GRHL2: variants seen among roughly 807,000 people sequenced by gnomAD.
GRHL2 encodes grainyhead like transcription factor 2, also known as grainyhead-like protein 2 homolog.
In GRHL2, 21 loss-of-function variants were observed where a neutral mutation model predicts 83.8. The observed-to-expected ratio is 0.25, with a 90% CI of 0.18 to 0.36. GRHL2 has a LOEUF of 0.36. GRHL2 is among the 10% of genes least tolerant of loss of function. The pLI, the probability that GRHL2 is intolerant of heterozygous loss-of-function variation, is 1.00. For missense variants in GRHL2, 623 were observed against 781.8 expected (o/e 0.80, Z 2.42); for synonymous variants, 280 against 278.9 (o/e 1.00, Z -0.04).
At chr8:101,614,844 G>C (rs1812822197) in intron 8 of GRHL2, among the ~76,000 whole-genome samples, 1 of 152,202 alleles carries the variant, frequency 6.6e-6, no homozygotes, top group African/African-American at 2.4e-5. Context: ...AACCATTTGG[G>C]TTTTGAGTGC....
intron 10 of GRHL2, 47 bp downstream of exon 10, chr8:101,631,771 G>T (rs765574402): frequency 1.0e-5 from 15 of 1,484,316 alleles, no homozygotes; most frequent in Non-Finnish European, 1.4e-5. Context: ...CTCCAGGTGG[G>T]CTGTGTCCAC....
At chr8:101,523,640 T>C (rs972698109) in intron 1 of GRHL2, among the ~76,000 whole-genome samples, 2 of 152,058 alleles carry the variant, frequency 1.3e-5, no homozygotes, top group Non-Finnish European at 2.9e-5. Context: ...CATGTGTGGC[T>C]AATTTTTTAA....
chr8:101,511,884 A>G (rs1049884744), intron 1 of GRHL2, among the ~76,000 whole-genome samples: 1 of 152,070 alleles, frequency 6.6e-6, no homozygotes, highest in African/African-American at 2.4e-5. Context: ...TCTTTACATA[A>G]TTGTTTTTCT....
chr8:101,540,754 C>T (rs2130113695), intron 1 of GRHL2, among the ~76,000 whole-genome samples: 2 of 152,308 alleles, frequency 1.3e-5, no homozygotes, highest in South Asian at 4.1e-4. Context: ...TAGGAGATCC[C>T]ATAGGAATGT....
chr8:101,661,030 G>A (rs2387622), intron 14 of GRHL2, among the ~76,000 whole-genome samples: 61,289 of 152,072 alleles, frequency 0.4, 12,851 homozygotes, highest in South Asian at 0.55. Flanking sequence ...CCTATGTGCC[G>A]AGCTTGTCCA....
Position 101,638,384 on chromosome 8 carries a change from AAAG to A in GRHL2, c.1517+1465_1517+1467del, listed in dbSNP as rs372902785. Among the ~76,000 whole-genome samples the A allele has an allele frequency of 4.1e-3, 620 of 152,314 alleles. 3 individuals carry two copies. Among genetic ancestry groups the A allele is most frequent in the African/African-American group, 0.014 (584 of 41,564 alleles). ...TTTTTCAATGGTTGAAAAGAATTCA[AAAG>A]AAGAAGAATATTGCATGACATGTGA... On this transcript the variant is annotated intron_variant, in intron 12 of 15. Transcript: ENST00000646743.
chr8:101,632,545 G>A (rs1324350229), intron 11 of GRHL2, among the ~76,000 whole-genome samples, 180 bp downstream of exon 11: 3 of 152,200 alleles, frequency 2.0e-5, no homozygotes, highest in Non-Finnish European at 2.9e-5. Flanking sequence ...TCTCAGGAGA[G>A]GAAACTAAGT....
In GRHL2 at chr8:101,668,855, C is replaced by CCCCT. The variant is rs1347416159; in HGVS notation, c.*2154_*2157dup. 6.6e-6 allele frequency: 1 copy of CCCCT among 152,250 alleles called. No homozygotes were observed. Among genetic ancestry groups the CCCCT allele is most frequent in the Non-Finnish European group, 1.5e-5 (1 of 68,064 alleles). 9.4% of individuals were successfully genotyped at this position (152,250 alleles called of 1,614,324 possible). A position where few individuals can be genotyped will look rare whatever the true frequency, so the allele number is the denominator to read the frequency against. The stretch of plus-strand genomic sequence containing the variant: ...TTGGCAGCCTGACACAGGCAACCTA[C>CCCCT]CCCTCTCTCTCCAGCCTCTTTATGA... On this transcript the variant is annotated 3_prime_UTR_variant, in exon 16 of 16. Transcript: ENST00000646743.
At chr8:101,495,117 G>A (rs1005664943) in intron 1 of GRHL2, among the ~76,000 whole-genome samples, 4 of 152,218 alleles carry the variant, frequency 2.6e-5, no homozygotes, top group East Asian at 1.9e-4. Context: ...GTGTGACATG[G>A]GGTGGGGACT....
At position 101,649,330 on chromosome 8, in the gene GRHL2, T is replaced by C. The variant is rs997179631; in HGVS notation, c.1613-84T>C. ...GCAGGAGGTGCCACTCTCCAACACC[T>C]GTGTGACAGGAAACAGTCCCCTGGA... On this transcript the variant is annotated intron_variant, in intron 13 of 15. Transcript: ENST00000646743. The C allele has an allele frequency of 4.4e-5, 48 of 1,079,032 alleles. No homozygotes were observed. In the Middle Eastern group the frequency reaches 8.1e-4, roughly 18 times the overall value. The allele number at this position is 1,079,032 out of a possible 1,614,324, so 66.8% of individuals were successfully genotyped here.
chr8:101,494,121 C>T (rs2129944832), intron 1 of GRHL2, among the ~76,000 whole-genome samples: 1 of 152,248 alleles, frequency 6.6e-6, no homozygotes. Context: ...AGGGGACCTT[C>T]CTGAAGGTGT....
chr8:101,673,942 C>T (rs141170351), downstream of GRHL2, among the ~76,000 whole-genome samples: 14 of 152,098 alleles, frequency 9.2e-5, 1 homozygote, highest in East Asian at 1.9e-4. Flanking sequence ...CTGAGCAACC[C>T]GCTCCTGAAT....
At chr8:101,516,411 T>G (rs983508850) in intron 1 of GRHL2, among the ~76,000 whole-genome samples, 1 of 8,362 alleles carries the variant, frequency 1.2e-4, no homozygotes, top group African/African-American at 5.1e-4. Flanking sequence ...CCTCTTTTCC[T>G]TTTTTTTTTT....
chr8:101,611,792 C>T (rs924852129), intron 8 of GRHL2, among the ~76,000 whole-genome samples: 3 of 150,782 alleles, frequency 2.0e-5, no homozygotes, highest in Non-Finnish European at 2.9e-5. Flanking sequence ...ATTGATTTGC[C>T]TTTTTCCTCA....
At chr8:101,533,140 A>C (rs189841067) in intron 1 of GRHL2, among the ~76,000 whole-genome samples, 444 of 151,844 alleles carry the variant, frequency 2.9e-3, no homozygotes, top group African/African-American at 0.01. Flanking sequence ...ATGAATCTCC[A>C]CTTTTTTTTT....
intron 1 of GRHL2, among the ~76,000 whole-genome samples, chr8:101,494,458 A>C (rs983925703): frequency 6.6e-6 from 1 of 152,174 alleles, no homozygotes. Flanking sequence ...GAGGCAGGGT[A>C]GGAAGAGGAG....
chr8:101,594,591 C>T (rs1812354032), intron 7 of GRHL2, among the ~76,000 whole-genome samples: 1 of 152,202 alleles, frequency 6.6e-6, no homozygotes, highest in African/African-American at 2.4e-5. Context: ...TGTTTAGTCC[C>T]TTGGAAGACT....
At chr8:101,564,367 G>A (rs901283427) in intron 4 of GRHL2, among the ~76,000 whole-genome samples, 1 of 152,104 alleles carries the variant, frequency 6.6e-6, no homozygotes, top group Non-Finnish European at 1.5e-5. Context: ...TCTAGAACCC[G>A]GGTTGAATAA....
In GRHL2 at chr8:101,667,795, T is replaced by C. The variant is rs933313978; in HGVS notation, c.*1092T>C. ...GGGTTTGCCATCAGGGCCCTGTGGC[T>C]GGGTCTGCTGCAGAGCTCCTTGGCT... is the stretch of plus-strand genomic sequence containing the variant. On this transcript the variant is annotated 3_prime_UTR_variant, in exon 16 of 16. Transcript: ENST00000646743. The C allele has an allele frequency of 2.6e-5, 4 of 152,826 alleles. No individual in the cohort carries two copies. Among genetic ancestry groups the C allele is most frequent in the Non-Finnish European group, 4.4e-5 (3 of 68,172 alleles). The allele number at this position is 152,826 out of a possible 1,614,324, so 9.5% of individuals were successfully genotyped here.
Sources: gnomAD v4.1 joint callset for allele counts (sites outside exome capture counted in the v4.1 genomes callset) on GRCh38, gnomAD v4.1.1 for gene constraint, MANE v1.5 for transcripts, NCBI Gene and HGNC (gene_info 2026-07-23, HGNC 2026-07-21) for gene names.